Variants in THOC5 observed in about 807,000 individuals in gnomAD.
THOC5 encodes THO complex subunit 5.
Under a neutral mutation model 92.9 loss-of-function variants are expected in THOC5, and 43 were observed. That is an observed-to-expected ratio of 0.46 (90% CI 0.36 to 0.60). The LOEUF is 0.60. THOC5 is among the 20% of genes least tolerant of loss of function. The probability of loss-of-function intolerance (pLI) is 0.00; values close to 1 mark genes in which losing one functional copy is unlikely to be tolerated. For synonymous variants in THOC5, 296 were observed against 320.1 expected (o/e 0.92, Z 0.80); for missense variants, 659 against 849.4 (o/e 0.78, Z 2.79).
At chr22:29,545,129 G>T (rs1191806552) in intron 2 of THOC5, 1 of 416,266 alleles carries the variant, frequency 2.4e-6, no homozygotes, top group Admixed American at 2.8e-5. Flanking sequence ...TGTGGCGGCG[G>T]CAAGAGAAAA....
chr22:29,529,083 G>C, intron 9 of THOC5, 79 bp downstream of exon 9: 1 of 1,371,120 alleles, frequency 7.3e-7, no homozygotes, highest in Non-Finnish European at 1.0e-6. Context: ...AACTAGTCCA[G>C]CTAGTTCTCC....
intron 1 of THOC5, among the ~76,000 whole-genome samples, chr22:29,553,017 T>C (rs943719891): frequency 2.0e-5 from 3 of 152,138 alleles, no homozygotes; most frequent in African/African-American, 2.4e-5. Context: ...AGATGTGCTT[T>C]GTTAAACAGA....
chr22:29,542,213 G>A (rs900760854), intron 5 of THOC5, among the ~76,000 whole-genome samples: 2 of 152,100 alleles, frequency 1.3e-5, no homozygotes, highest in African/African-American at 4.8e-5. Flanking sequence ...GGGCCAAAAG[G>A]TTAAAAGAAT....
At chr22:29,526,955 G>A (rs760761355) in intron 11 of THOC5, among the ~76,000 whole-genome samples, 13 of 152,176 alleles carry the variant, frequency 8.5e-5, no homozygotes, top group Non-Finnish European at 1.6e-4. Context: ...ATTAAAAAAG[G>A]AAGAAACTAA....
chr22:29,528,746 T>C (rs1405170483), intron 9 of THOC5, among the ~76,000 whole-genome samples: 1 of 152,102 alleles, frequency 6.6e-6, no homozygotes, highest in Non-Finnish European at 1.5e-5. Context: ...GTGGTGGCTG[T>C]GGTAATAATA....
At chr22:29,527,055 G>A (rs2146492164) in intron 11 of THOC5, among the ~76,000 whole-genome samples, 1 of 152,300 alleles carries the variant, frequency 6.6e-6, no homozygotes, top group East Asian at 1.9e-4. Flanking sequence ...TAATTAAGAT[G>A]TAACTTTAGG....
intron 7 of THOC5, among the ~76,000 whole-genome samples, chr22:29,533,677 G>T (rs1047500138): frequency 5.3e-5 from 8 of 152,166 alleles, no homozygotes; most frequent in African/African-American, 1.9e-4. Context: ...CAACCCAACA[G>T]AAAACAGGCA....
At chr22:29,549,349 T>C (rs2064095036) in intron 1 of THOC5, among the ~76,000 whole-genome samples, 191 bp from the exon 2 acceptor site, 1 of 152,082 alleles carries the variant, frequency 6.6e-6, no homozygotes, top group South Asian at 2.1e-4. Flanking sequence ...ACCTTCTCTT[T>C]TAAAAAGGCA....
chr22:29,515,491 A>G (rs1020755696), intron 17 of THOC5, among the ~76,000 whole-genome samples: 2 of 152,080 alleles, frequency 1.3e-5, no homozygotes, highest in Non-Finnish European at 2.9e-5. Flanking sequence ...TGAACCTGCA[A>G]TATCTCTGAG....
intron 2 of THOC5, chr22:29,545,063 T>TC (rs1197512262): frequency 9.2e-6 from 4 of 436,080 alleles, no homozygotes; most frequent in African/African-American, 8.3e-5. Flanking sequence ...GGACTTACAG[T>TC]CCCACATAGC....
In THOC5 at chr22:29,542,903, C is replaced by T. The variant is rs747497777; in HGVS notation, c.408G>A (p.Glu136=). ...YHLQLQNLLY[E]VMHLQKEITK... is the part of the protein sequence containing the mutation. ...TGATCTCCTTCTGTAGGTGCATCAC[C>T]TCATACAACAGGTTCTGGAGCTGCA... The change falls in exon 5 of 20, where the codon GAG becomes GAA. Residue 136 remains glutamate (E), a synonymous_variant. Coordinates refer to ENST00000490103, the MANE Select transcript of THOC5 (RefSeq NM_003678.5). 3 of 1,613,446 alleles carry T rather than the reference C, an allele frequency of 1.9e-6. No homozygotes were observed. The highest frequency in any genetic ancestry group is 1.6e-4 in the Middle Eastern group (1 of 6,084).
chr22:29,517,287 C>T lies in THOC5; in HGVS notation c.1569G>A (p.Val523=). 1 of 1,614,208 alleles carries T rather than the reference C, an allele frequency of 6.2e-7. No individual in the cohort carries two copies. The highest frequency in any genetic ancestry group is 8.5e-7 in the Non-Finnish European group (1 of 1,180,026). The change falls in exon 16 of 20, where the codon GTG becomes GTA. Residue 523 remains valine (V), a synonymous_variant. Coordinates refer to ENST00000490103, the MANE Select transcript of THOC5 (RefSeq NM_003678.5). ...AKVVSRLVKW[V]TVAHEDYMEL... ...CCATGTAATCCTCATGGGCAACTGT[C>T]ACCCATTTCACCAGGCGAGAGACAA...
chr22:29,513,666 G>A (rs979030476), intron 17 of THOC5, among the ~76,000 whole-genome samples: 16 of 151,956 alleles, frequency 1.1e-4, no homozygotes, highest in African/African-American at 2.7e-4. Flanking sequence ...TCCAGCCTAC[G>A]CAACAAAGCA....
chr22:29,514,846 C>T (rs2063303165), intron 17 of THOC5, among the ~76,000 whole-genome samples: 2 of 151,274 alleles, frequency 1.3e-5, no homozygotes, highest in African/African-American at 4.9e-5. Context: ...GCTGAGATTA[C>T]AGGTGCCCAC....
intron 8 of THOC5, chr22:29,531,001 T>G: frequency 3.0e-6 from 3 of 990,768 alleles, no homozygotes; most frequent in South Asian, 3.8e-5. Context: ...TTTTCAGCCA[T>G]TTAATATTAG....
At position 29,525,930 on chromosome 22, in the gene THOC5, G is replaced by C. The variant is rs1164786658; in HGVS notation, c.1083C>G (p.His361Gln). Reference sequence around the variant, plus strand: ...GGTTCATGAGGTAGTAGAAAGTCAGGTGAAGCACACTGTCATCTGGAGGGG... The same window carrying C: ...GGTTCATGAGGTAGTAGAAAGTCAGCTGAAGCACACTGTCATCTGGAGGGG... ...DLKCKDDSVL[H>Q]LTFYYLMNLN... The change falls in exon 12 of 20, where the codon CAC becomes CAG. Residue 361 changes from histidine to glutamine, a missense_variant. Physicochemically the swap from His to Gln is conservative, Grantham distance 24. Transcript: ENST00000490103. 1 of 1,613,418 alleles carries C rather than the reference G, an allele frequency of 6.2e-7. No homozygotes were observed. The highest frequency in any genetic ancestry group is 8.5e-7 in the Non-Finnish European group (1 of 1,179,634).
At chr22:29,530,091 C>A (rs1429839171) in intron 8 of THOC5, among the ~76,000 whole-genome samples, 1 of 150,758 alleles carries the variant, frequency 6.6e-6, no homozygotes, top group Admixed American at 6.7e-5. Flanking sequence ...TACTGTGAAC[C>A]AAGATCATGC....
chr22:29,531,060 G>T, intron 8 of THOC5: 1 of 1,106,320 alleles, frequency 9.0e-7, no homozygotes, highest in Non-Finnish European at 1.1e-6. Context: ...AAACATAAAA[G>T]AAAAGAAAAT....
At chr22:29,523,974 C>A (rs1357577125) in intron 12 of THOC5, among the ~76,000 whole-genome samples, 1 of 152,208 alleles carries the variant, frequency 6.6e-6, no homozygotes, top group Non-Finnish European at 1.5e-5. Context: ...GGGCTGGGAG[C>A]CCAGAGTCTC....
Sources: allele counts gnomAD v4.1 joint callset (sites outside exome capture counted in the v4.1 genomes callset), GRCh38; gene constraint gnomAD v4.1.1; transcripts MANE v1.5; gene names NCBI Gene and HGNC (gene_info 2026-07-23, HGNC 2026-07-21).